The following NRG3 variants were observed in gnomAD, a reference collection of about 807,000 sequenced individuals.
The protein encoded by NRG3 is pro-neuregulin-3, membrane-bound isoform.
NRG3 carries 31 observed loss-of-function variants against 66.9 expected under a neutral mutation model. That is an observed-to-expected ratio of 0.46 (90% CI 0.35 to 0.63). The LOEUF (loss-of-function observed/expected upper bound fraction) is 0.63, where lower values mean the gene tolerates loss of function less well. Ranked by LOEUF, NRG3 falls within the 20% of genes least tolerant of loss-of-function variation. NRG3 has a pLI of 0.00. For missense variants in NRG3, 910 were observed against 878.9 expected, an observed-to-expected ratio of 1.04 and a Z score of -0.45; for synonymous variants, 393 against 359.4, an observed-to-expected ratio of 1.09 and a Z score of -1.06.
At chr10:82,866,509 A>C (rs537570277) in intron 4 of NRG3, among the ~76,000 whole-genome samples, 1 of 152,256 alleles carries the variant, frequency 6.6e-6, no homozygotes, top group Non-Finnish European at 1.5e-5. Context: ...GGTATTACTC[A>C]TTATTGCTCC....
At chr10:82,097,872 T>A (rs2066455143) in intron 1 of NRG3, among the ~76,000 whole-genome samples, 1 of 152,132 alleles carries the variant, frequency 6.6e-6, no homozygotes, top group South Asian at 2.1e-4. Flanking sequence ...GTTGAACATA[T>A]GTTTGTGATT....
At chr10:82,748,007 T>G (rs2058713114) in intron 3 of NRG3, among the ~76,000 whole-genome samples, 1 of 151,278 alleles carries the variant, frequency 6.6e-6, no homozygotes, top group Non-Finnish European at 1.5e-5. Context: ...CCAACAGAAT[T>G]TATTCAATAG....
At chr10:82,058,633 A>G (rs2063970795) in intron 1 of NRG3, among the ~76,000 whole-genome samples, 1 of 151,906 alleles carries the variant, frequency 6.6e-6, no homozygotes, top group African/African-American at 2.4e-5. Context: ...TTCCATCACA[A>G]GTTTTTTTAT....
At chr10:82,070,218 C>T (rs1467835263) in intron 1 of NRG3, among the ~76,000 whole-genome samples, 1 of 152,176 alleles carries the variant, frequency 6.6e-6, no homozygotes, top group Non-Finnish European at 1.5e-5. Flanking sequence ...CTAGCTGTTT[C>T]TTCTCACCTC....
chr10:82,590,974 C>A (rs1339750595), intron 2 of NRG3, among the ~76,000 whole-genome samples: 2 of 152,186 alleles, frequency 1.3e-5, no homozygotes, highest in African/African-American at 2.4e-5. Flanking sequence ...ATCAAGACAT[C>A]AGGTGATTAA....
chr10:82,127,353 T>C (rs1435382325), intron 1 of NRG3, among the ~76,000 whole-genome samples: 1 of 152,116 alleles, frequency 6.6e-6, no homozygotes, highest in East Asian at 1.9e-4. Flanking sequence ...TTGGCTTCTC[T>C]ACCTGCATGA....
At chr10:82,384,409 T>C (rs1257298681) in intron 2 of NRG3, among the ~76,000 whole-genome samples, 1 of 152,176 alleles carries the variant, frequency 6.6e-6, no homozygotes, top group Non-Finnish European at 1.5e-5. Flanking sequence ...TAGCTATTCT[T>C]CCTGATCCTC....
intron 2 of NRG3, among the ~76,000 whole-genome samples, chr10:82,495,280 A>G (rs1473473958): frequency 6.6e-6 from 1 of 152,136 alleles, no homozygotes; most frequent in East Asian, 1.9e-4. Context: ...TTGTAGTCCC[A>G]AGGCTATCCC....
chr10:82,817,738 C>A (rs944387956), intron 3 of NRG3, among the ~76,000 whole-genome samples: 2 of 152,196 alleles, frequency 1.3e-5, no homozygotes, highest in African/African-American at 4.8e-5. Context: ...GTCTGTTTCC[C>A]TGGGGAGTTC....
At chr10:82,922,253 TTTACTC>T (rs368667718) in intron 4 of NRG3, among the ~76,000 whole-genome samples, 64 of 152,250 alleles carry the variant, frequency 4.2e-4, no homozygotes, top group African/African-American at 1.5e-3. Context: ...TCTGAACTAT[TTTACTC>T]CTCATCGGGC....
chr10:82,328,584 C>T (rs1245006726), intron 1 of NRG3, among the ~76,000 whole-genome samples: 1 of 152,022 alleles, frequency 6.6e-6, no homozygotes, highest in South Asian at 2.1e-4. Context: ...TGTTCAAGTC[C>T]GTAAATGGTT....
intron 2 of NRG3, among the ~76,000 whole-genome samples, chr10:82,412,250 A>G (rs1048586828): frequency 2.6e-5 from 4 of 152,198 alleles, no homozygotes; most frequent in Non-Finnish European, 5.9e-5. Context: ...AAATGTAGGT[A>G]TACATTGGGA....
At chr10:82,737,368 C>A (rs1375229502) in intron 2 of NRG3, among the ~76,000 whole-genome samples, 1 of 152,138 alleles carries the variant, frequency 6.6e-6, no homozygotes, top group Non-Finnish European at 1.5e-5. Context: ...TGTTGCTTCT[C>A]CCCTTGCAAT....
At chr10:82,760,091 A>G (rs2059243158) in intron 3 of NRG3, among the ~76,000 whole-genome samples, 1 of 152,180 alleles carries the variant, frequency 6.6e-6, no homozygotes, top group South Asian at 2.1e-4. Flanking sequence ...AAAGAAAGCC[A>G]GCAATAAGCA....
chr10:82,467,018 C>G (rs906116104), intron 2 of NRG3, among the ~76,000 whole-genome samples: 4 of 152,048 alleles, frequency 2.6e-5, no homozygotes, highest in Non-Finnish European at 5.9e-5. Context: ...GCTGGTAATT[C>G]CACAGACTGA....
intron 3 of NRG3, among the ~76,000 whole-genome samples, chr10:82,798,304 A>G (rs982199367): frequency 6.6e-6 from 1 of 152,222 alleles, no homozygotes; most frequent in Non-Finnish European, 1.5e-5. Context: ...ATTTTGAGAA[A>G]GCATTACCAG....
chr10:82,177,122 T>C (rs968584709), intron 1 of NRG3, among the ~76,000 whole-genome samples: 1 of 152,102 alleles, frequency 6.6e-6, no homozygotes, highest in East Asian at 1.9e-4. Flanking sequence ...GCCTTGAAGA[T>C]AGCAGCAGTC....
intron 1 of NRG3, among the ~76,000 whole-genome samples, chr10:82,087,247 T>G (rs967947196): frequency 6.6e-6 from 1 of 151,966 alleles, no homozygotes; most frequent in Non-Finnish European, 1.5e-5. Flanking sequence ...AAGTCAGAGT[T>G]TTAAAAATGG....
At chr10:81,953,519 A>T (rs1213899599) in intron 1 of NRG3, among the ~76,000 whole-genome samples, 1 of 152,172 alleles carries the variant, frequency 6.6e-6, no homozygotes, top group South Asian at 2.1e-4. Flanking sequence ...TGAATCACCA[A>T]GTCCATCTCT....
Sources: allele counts gnomAD v4.1 joint callset (sites outside exome capture counted in the v4.1 genomes callset), GRCh38; gene constraint gnomAD v4.1.1; transcripts MANE v1.5; gene names NCBI Gene and HGNC (gene_info 2026-07-23, HGNC 2026-07-21).